SPIRE1: variants seen among roughly 807,000 people sequenced by gnomAD.
The protein encoded by SPIRE1 is spire type actin nucleation factor 1, also known as protein spire homolog 1.
SPIRE1 carries 40 observed loss-of-function variants against 94.1 expected under a neutral mutation model. That is an observed-to-expected ratio of 0.43 (90% CI 0.33 to 0.55). The LOEUF is 0.55. Among genes scored for constraint, SPIRE1 ranks in the 20% least tolerant of loss-of-function variants. The pLI, the probability that SPIRE1 is intolerant of heterozygous loss-of-function variation, is 0.06. For missense variants in SPIRE1, 838 were observed against 975.2 expected (o/e 0.86, Z 1.87); for synonymous variants, 376 against 371.7 (o/e 1.01, Z -0.13).
At chr18:12,526,444 C>T (rs1251442854) in intron 4 of SPIRE1, among the ~76,000 whole-genome samples, 2 of 152,148 alleles carry the variant, frequency 1.3e-5, no homozygotes, top group African/African-American at 4.8e-5. Context: ...GCCCTTCTAA[C>T]ACGGTGCTGG....
At chr18:12,495,444 A>T (rs1266602744) in intron 7 of SPIRE1, among the ~76,000 whole-genome samples, 1 of 152,222 alleles carries the variant, frequency 6.6e-6, no homozygotes, top group Non-Finnish European at 1.5e-5. Context: ...CTGGAAGGAC[A>T]ATCCATAACA....
chr18:12,603,450 CTAGG>C (rs1274675581), intron 2 of SPIRE1, among the ~76,000 whole-genome samples: 2 of 152,114 alleles, frequency 1.3e-5, no homozygotes, highest in African/African-American at 2.4e-5. Context: ...TGGGCCACCC[CTAGG>C]TAGCTTCAGG....
intron 2 of SPIRE1, among the ~76,000 whole-genome samples, chr18:12,604,857 C>T (rs1481286028): frequency 6.6e-6 from 1 of 152,110 alleles, no homozygotes; most frequent in Non-Finnish European, 1.5e-5. Flanking sequence ...ACCAGTTGTC[C>T]ACCAAACAGA....
At chr18:12,633,099 A>C (rs901157836) in intron 2 of SPIRE1, among the ~76,000 whole-genome samples, 6 of 152,206 alleles carry the variant, frequency 3.9e-5, no homozygotes, top group African/African-American at 1.4e-4. Context: ...AAAGTTCTGG[A>C]AGAAAAATTA....
intron 1 of SPIRE1, among the ~76,000 whole-genome samples, chr18:12,647,917 G>A (rs954933359): frequency 6.6e-6 from 1 of 152,148 alleles, no homozygotes; most frequent in African/African-American, 2.4e-5. Flanking sequence ...GAAACATCTT[G>A]CAGTGCCAGA....
intron 2 of SPIRE1, among the ~76,000 whole-genome samples, chr18:12,615,840 C>A (rs1445832378): frequency 6.6e-6 from 1 of 152,020 alleles, no homozygotes; most frequent in Non-Finnish European, 1.5e-5. Context: ...AGAGTCCTCT[C>A]CTTTCATTTC....
Position 12,546,846 on chromosome 18 carries a change from T to C in SPIRE1, c.431A>G (p.Asn144Ser). 6.2e-7 allele frequency: 1 copy of C among 1,614,164 alleles called. No individual in the cohort carries two copies. The highest frequency in any genetic ancestry group is 8.5e-7 in the Non-Finnish European group (1 of 1,180,008). The change falls in exon 3 of 17, where the codon AAT becomes AGT. Residue 144 changes from asparagine (N) to serine (S), a missense_variant. Asn to Ser is a conservative substitution (Grantham distance 46). This residue lies in a region of SPIRE1 where 645 missense variants were observed against 804.7 expected (regional missense o/e 0.80). Coordinates refer to ENST00000409402, the MANE Select transcript of SPIRE1 (RefSeq NM_001128626.2). ...GGGAGGGCTTAATTCCCTTTCTTCATTCTCCTTCAAACCATAGTCCAGTGC... is the reference window on the plus strand; with the variant it reads ...GGGAGGGCTTAATTCCCTTTCTTCACTCTCCTTCAAACCATAGTCCAGTGC... Reference protein sequence around the residue: ...YKALDYGLKENEERELSPPLE... With the variant: ...YKALDYGLKESEERELSPPLE...
At chr18:12,573,494 T>C (rs1003805258) in intron 2 of SPIRE1, among the ~76,000 whole-genome samples, 1 of 152,218 alleles carries the variant, frequency 6.6e-6, no homozygotes, top group African/African-American at 2.4e-5. Flanking sequence ...GTTTAAACTA[T>C]GTCCATACAA....
At chr18:12,541,171 A>T (rs756637625) in intron 3 of SPIRE1, among the ~76,000 whole-genome samples, 4 of 152,186 alleles carry the variant, frequency 2.6e-5, no homozygotes, top group Non-Finnish European at 5.9e-5. Context: ...TTTGTTATTC[A>T]TATCTGGCTT....
chr18:12,509,884 A>T (rs2033970138), intron 5 of SPIRE1, among the ~76,000 whole-genome samples: 1 of 152,132 alleles, frequency 6.6e-6, no homozygotes, highest in Non-Finnish European at 1.5e-5. Flanking sequence ...CAGGAGTACG[A>T]GATCAGCCTG....
At chr18:12,598,447 T>C (rs2036739311) in intron 2 of SPIRE1, among the ~76,000 whole-genome samples, 1 of 152,144 alleles carries the variant, frequency 6.6e-6, no homozygotes, top group Non-Finnish European at 1.5e-5. Flanking sequence ...TATGCCACTG[T>C]TTACACTGTT....
In SPIRE1 at chr18:12,447,611, T is replaced by C. The variant is rs1056273371; in HGVS notation, c.*2027A>G. ...CACTTGGCAAACTCCGTTAATGCTG[T>C]TGAAGAATGTATGTTCTGTGCTGTG... On this transcript the variant is annotated 3_prime_UTR_variant, in exon 17 of 17. Coordinates refer to ENST00000409402, the MANE Select transcript of SPIRE1 (RefSeq NM_001128626.2). 2.0e-5 allele frequency: 3 copies of C among 152,204 alleles called. No homozygotes were observed. Among genetic ancestry groups the C allele is most frequent in the Non-Finnish European group, 2.9e-5 (2 of 68,034 alleles). The allele number at this position is 152,204 out of a possible 1,614,324, so 9.4% of individuals were successfully genotyped here.
At chr18:12,586,984 C>A (rs1456322686) in intron 2 of SPIRE1, among the ~76,000 whole-genome samples, 3 of 152,236 alleles carry the variant, frequency 2.0e-5, no homozygotes, top group Non-Finnish European at 4.4e-5. Flanking sequence ...CATGTGCCAG[C>A]ACTTCACCTG....
intron 2 of SPIRE1, among the ~76,000 whole-genome samples, chr18:12,564,009 A>T (rs1285504605): frequency 6.6e-6 from 1 of 152,234 alleles, no homozygotes; most frequent in African/African-American, 2.4e-5. Context: ...TTAAACAGCT[A>T]TTCTTTTCCT....
At chr18:12,535,072 T>C (rs2034795345) in intron 4 of SPIRE1, among the ~76,000 whole-genome samples, 1 of 152,180 alleles carries the variant, frequency 6.6e-6, no homozygotes, top group African/African-American at 2.4e-5. Flanking sequence ...AGTTAAATGA[T>C]CAGATGTGAG....
chr18:12,478,054 G>A (rs116090529), intron 10 of SPIRE1, among the ~76,000 whole-genome samples: 4,530 of 152,030 alleles, frequency 0.03, 203 homozygotes, highest in African/African-American at 0.098. Context: ...ACCAACTGAC[G>A]TTAGTAATAT....
intron 2 of SPIRE1, among the ~76,000 whole-genome samples, chr18:12,625,097 G>GTGACTGTCATAATGTCCTA (rs1276110893): frequency 6.6e-6 from 1 of 152,102 alleles, no homozygotes; most frequent in Non-Finnish European, 1.5e-5. Context: ...AATATGCCAA[G>GTGACTGTCATAATGTCCTA]TGACTGTCAT....
intron 8 of SPIRE1, among the ~76,000 whole-genome samples, chr18:12,489,970 CTT>C (rs1482761569): frequency 1.3e-5 from 2 of 152,148 alleles, no homozygotes; most frequent in Non-Finnish European, 1.5e-5. Context: ...TTTAGGGAAA[CTT>C]TTCTTCAAGT....
intron 2 of SPIRE1, among the ~76,000 whole-genome samples, chr18:12,616,230 A>G (rs994326062): frequency 4.6e-5 from 7 of 152,170 alleles, no homozygotes; most frequent in Admixed American, 2.6e-4. Flanking sequence ...AGTCATTACT[A>G]AAGTTTGTTT....
Sources: allele counts gnomAD v4.1 joint callset (sites outside exome capture counted in the v4.1 genomes callset), GRCh38; gene constraint gnomAD v4.1.1; regional missense constraint gnomAD v4.1.1; transcripts MANE v1.5; gene names NCBI Gene and HGNC (gene_info 2026-07-23, HGNC 2026-07-21).